ZNF618: variants seen among roughly 807,000 people sequenced by gnomAD.
ZNF618 encodes the protein neural precursor cell expressed, developmentally down-regulated 10.
ZNF618 carries 34 observed loss-of-function variants against 103.0 expected under a neutral mutation model. The ratio of observed to expected loss-of-function variants is 0.33; its 90% confidence interval spans 0.25 to 0.44. The LOEUF is 0.44. ZNF618 is among the 20% of genes least tolerant of loss of function. The probability of loss-of-function intolerance (pLI) is 1.00; values close to 1 mark genes in which losing one functional copy is unlikely to be tolerated. For missense variants in ZNF618, 1,059 were observed against 1,295.4 expected (o/e 0.82, Z 2.80); for synonymous variants, 551 against 542.2 (o/e 1.02, Z -0.23).
intron 10 of ZNF618, among the ~76,000 whole-genome samples, chr9:114,025,621 T>C (rs1373093125): frequency 3.9e-5 from 6 of 152,154 alleles, no homozygotes; most frequent in Non-Finnish European, 7.4e-5. Flanking sequence ...CACTGTTAAG[T>C]AGAATGAGTC....
In ZNF618 at chr9:114,032,693, T is replaced by C. The variant is rs780061700; in HGVS notation, c.1133T>C (p.Phe378Ser). The change falls in exon 12 of 15, where the codon TTT (phenylalanine) becomes TCT (serine). Residue 378 changes from phenylalanine (F) to serine (S), a missense_variant. Physicochemically the swap from Phe to Ser is radical, Grantham distance 155. Around this residue, in one of 6 missense-constraint regions of ZNF618, gnomAD observed 434 missense variants for 476.0 expected, o/e 0.91. Transcript: ENST00000374126. ...GTAGAAGGCAAAGCACAAAACCACT[T>C]TGAAGAGACGAACAGCAGTTCGCAG... ...RRVEGKAQNH[F>S]EETNSSSQNS... 2 of 1,613,978 alleles carry C rather than the reference T, an allele frequency of 1.2e-6. No individual in the cohort carries two copies. The highest frequency in any genetic ancestry group is 1.1e-5 in the South Asian group (1 of 91,080).
At chr9:114,029,822 C>G (rs1843845831) in intron 11 of ZNF618, among the ~76,000 whole-genome samples, 1 of 152,220 alleles carries the variant, frequency 6.6e-6, no homozygotes, top group Non-Finnish European at 1.5e-5. Context: ...GCAAAGGACT[C>G]TGGCTCCAGA....
chr9:114,047,603 C>T (rs1845768957), intron 13 of ZNF618, among the ~76,000 whole-genome samples: 2 of 152,122 alleles, frequency 1.3e-5, no homozygotes, highest in South Asian at 4.1e-4. Flanking sequence ...CTTCCCATTT[C>T]CAGAGAGTTT....
chr9:113,895,469 G>T (rs1829960817), intron 1 of ZNF618, among the ~76,000 whole-genome samples: 1 of 151,994 alleles, frequency 6.6e-6, no homozygotes, highest in Non-Finnish European at 1.5e-5. Context: ...GCAGCGTTTT[G>T]TGTCTATATC....
intron 13 of ZNF618, among the ~76,000 whole-genome samples, chr9:114,042,569 C>T (rs1219834298): frequency 1.3e-5 from 2 of 152,148 alleles, no homozygotes; most frequent in Non-Finnish European, 2.9e-5. Flanking sequence ...TGGTTCACAC[C>T]TGTAATCCCA....
rs891200462 is a variant in ZNF618 at position 114,044,605 on chromosome 9, G to A, written c.1247-3288G>A. Among the ~76,000 whole-genome samples, 25 of 152,066 alleles carry A rather than the reference G, an allele frequency of 1.6e-4. No homozygotes were observed. In the South Asian group the frequency reaches 1.9e-3, roughly 11 times the overall value. ...TAATGATGTTGTTTTGATGGGAATC[G>A]CATTGAATTTGTAGATGCTGTTGGC... is the stretch of plus-strand genomic sequence containing the variant. On this transcript the variant is annotated intron_variant, in intron 13 of 14. Transcript: ENST00000374126.
At chr9:113,966,488 T>C (rs1294106198) in intron 1 of ZNF618, among the ~76,000 whole-genome samples, 1 of 152,156 alleles carries the variant, frequency 6.6e-6, no homozygotes, top group Non-Finnish European at 1.5e-5. Flanking sequence ...CACATGGCAA[T>C]GTCAGAGGTT....
At chr9:113,988,710 A>G in intron 3 of ZNF618, 130 bp downstream of exon 3, 4 of 1,334,546 alleles carry the variant, frequency 3.0e-6, no homozygotes, top group Non-Finnish European at 4.0e-6. Flanking sequence ...TTCCCTCTGC[A>G]TTCAGGGAGA....
chr9:113,927,406 A>G (rs1833201097), intron 1 of ZNF618, among the ~76,000 whole-genome samples: 1 of 152,144 alleles, frequency 6.6e-6, no homozygotes, highest in African/African-American at 2.4e-5. Context: ...ATAGTGACCA[A>G]TCCTTGTAGT....
In ZNF618 at chr9:114,047,934, C is replaced by T. The variant is rs1387841752; in HGVS notation, c.1288C>T (p.Pro430Ser). Residue 430 changes from proline (P) to serine (S), a missense_variant, in exon 14 of 15, where the codon CCA (proline) becomes TCA (serine). By Grantham distance (74) the Pro-to-Ser change is moderately conservative (BLOSUM62 -1). Around this residue, in one of 6 missense-constraint regions of ZNF618, gnomAD observed 434 missense variants for 476.0 expected, o/e 0.91. Transcript: ENST00000374126. Reference protein sequence around the residue: ...NNIASNQSRSPPAVVEEKWKP... With the variant: ...NNIASNQSRSSPAVVEEKWKP... The stretch of plus-strand genomic sequence containing the variant: ...CATTGCCTCCAACCAGTCCCGATCG[C>T]CACCTGCTGTTGTAGAAGAGAAGTG... 6.2e-7 allele frequency: 1 copy of T among 1,603,396 alleles called. No individual in the cohort carries two copies. The highest frequency in any genetic ancestry group is 1.1e-5 in the South Asian group (1 of 88,236).
At chr9:113,987,303 T>C (rs1839576210) in intron 2 of ZNF618, among the ~76,000 whole-genome samples, 1 of 152,206 alleles carries the variant, frequency 6.6e-6, no homozygotes, top group Non-Finnish European at 1.5e-5. Context: ...GCTTCCTGCC[T>C]TGGCCTGTCC....
intron 1 of ZNF618, among the ~76,000 whole-genome samples, chr9:113,953,167 C>T (rs564897188): frequency 6.6e-5 from 10 of 152,314 alleles, no homozygotes; most frequent in African/African-American, 1.9e-4. Flanking sequence ...GAACGTACTT[C>T]GAGGTCACCC....
At chr9:113,910,052 G>T (rs1446610618) in intron 1 of ZNF618, among the ~76,000 whole-genome samples, 2 of 152,024 alleles carry the variant, frequency 1.3e-5, no homozygotes, top group Non-Finnish European at 2.9e-5. Context: ...TGAAGTGCTG[G>T]GATTACAGGC....
intron 3 of ZNF618, among the ~76,000 whole-genome samples, chr9:113,990,905 G>A (rs886964173): frequency 9.8e-5 from 15 of 152,318 alleles, no homozygotes; most frequent in African/African-American, 3.6e-4. Context: ...CACTCCCTGA[G>A]GCCAGGGACT....
At chr9:113,917,346 A>G (rs933322954) in intron 1 of ZNF618, among the ~76,000 whole-genome samples, 7 of 147,860 alleles carry the variant, frequency 4.7e-5, no homozygotes, top group Non-Finnish European at 8.9e-5. Context: ...CCCGGGCTCA[A>G]CTGATCCTCC....
At chr9:113,897,994 T>C (rs1038948517) in intron 1 of ZNF618, among the ~76,000 whole-genome samples, 1 of 152,196 alleles carries the variant, frequency 6.6e-6, no homozygotes, top group African/African-American at 2.4e-5. Context: ...GATTTTTCCA[T>C]GTTGGGCAGG....
At position 113,933,409 on chromosome 9, in the gene ZNF618, A is replaced by G. The variant is rs555173259; in HGVS notation, c.34-35708A>G. Among the ~76,000 whole-genome samples, 5 of 152,356 alleles carry G rather than the reference A, an allele frequency of 3.3e-5. No homozygotes were observed. In the East Asian group the frequency reaches 9.6e-4, roughly 29 times the overall value. ...AGCTCAGTGACCTCGGGTCCAAGCC[A>G]AGAGAAAGAAGTACAATTCCACTGG... On this transcript the variant is annotated intron_variant, in intron 1 of 14. Coordinates refer to ENST00000374126, the MANE Select transcript of ZNF618 (RefSeq NM_001318042.2).
intron 1 of ZNF618, among the ~76,000 whole-genome samples, chr9:113,893,479 T>G (rs984780860): frequency 9.2e-5 from 14 of 152,186 alleles, no homozygotes; most frequent in Non-Finnish European, 1.9e-4. Context: ...CCCTCTTACA[T>G]TTACCATTAA....
intron 12 of ZNF618, among the ~76,000 whole-genome samples, chr9:114,034,832 C>T (rs979419658): frequency 2.6e-5 from 4 of 152,194 alleles, no homozygotes; most frequent in African/African-American, 9.7e-5. Context: ...GGTGCCAGAA[C>T]CTAGAAGTAG....
Sources: allele counts gnomAD v4.1 joint callset (sites outside exome capture counted in the v4.1 genomes callset), GRCh38; gene constraint gnomAD v4.1.1; regional missense constraint gnomAD v4.1.1; transcripts MANE v1.5; gene names NCBI Gene and HGNC (gene_info 2026-07-23, HGNC 2026-07-21).